PRPF3: variants seen among roughly 807,000 people sequenced by gnomAD.
PRPF3 encodes pre-mRNA processing factor 3.
In PRPF3, 3 loss-of-function variants were observed where a neutral mutation model predicts 89.2. The observed-to-expected ratio is 0.03, with a 90% CI of 0.02 to 0.09. The LOEUF is 0.09. PRPF3 is among the 10% of genes least tolerant of loss of function. The pLI is 1.00. For missense variants in PRPF3, 463 were observed against 828.8 expected (o/e 0.56, Z 5.42); for synonymous variants, 270 against 289.1 (o/e 0.93, Z 0.67).
At chr1:150,324,604 G>T (rs1655494148) in intron 1 of PRPF3, among the ~76,000 whole-genome samples, 1 of 149,550 alleles carries the variant, frequency 6.7e-6, no homozygotes, top group Admixed American at 6.7e-5. Context: ...AGGCTGGAGT[G>T]CAGTGGTGCG....
chr1:150,350,708 C>T (rs1658838727), intron 15 of PRPF3, among the ~76,000 whole-genome samples: 1 of 152,140 alleles, frequency 6.6e-6, no homozygotes, highest in African/African-American at 2.4e-5. Context: ...CGCCTATAAT[C>T]CCAGCACTTT....
chr1:150,346,488 G>T lies in PRPF3; in HGVS notation c.1840G>T (p.Asp614Tyr). ...WDEQTSNTKG[D>Y]DDEESDEEAV... ...TGAACAGACATCTAACACAAAGGGA[G>T]ATGGTGAATGGGGGTTAGAGGGGAT... The change falls in exon 14 of 16, where the codon GAT (aspartate) becomes TAT (tyrosine). Residue 614 changes from aspartate (D) to tyrosine (Y), a missense_variant. Asp to Tyr is a radical substitution (Grantham distance 160). Around this residue, in one of 8 missense-constraint regions of PRPF3, gnomAD observed 78 missense variants for 96.6 expected, o/e 0.81. Coordinates refer to ENST00000324862, the MANE Select transcript of PRPF3 (RefSeq NM_004698.4). 2 of 1,611,488 alleles carry T rather than the reference G, an allele frequency of 1.2e-6. No individual in the cohort carries two copies. Among genetic ancestry groups the T allele is most frequent in the Non-Finnish European group, 1.7e-6 (2 of 1,177,672 alleles).
chr1:150,338,197 C>G lies in PRPF3; in HGVS notation c.1073C>G (p.Ala358Gly). Residue 358 changes from alanine to glycine, a missense_variant, in exon 8 of 16, where the codon GCA becomes GGA. Ala to Gly is a moderately conservative substitution (Grantham distance 60). Around this residue, in one of 8 missense-constraint regions of PRPF3, gnomAD observed 261 missense variants for 475.8 expected, o/e 0.55. Coordinates refer to ENST00000324862, the MANE Select transcript of PRPF3 (RefSeq NM_004698.4). ...LEKLQAEISQ[A>G]ARKTGIHTST... is the part of the protein sequence containing the mutation. ...AAGCTACAGGCAGAGATTTCACAAG[C>G]AGCTCGAAAAACAGGCATCCATACT... The G allele has an allele frequency of 6.2e-7, 1 of 1,614,092 alleles. No homozygotes were observed. The highest frequency in any genetic ancestry group is 8.5e-7 in the Non-Finnish European group (1 of 1,180,020).
At chr1:150,335,311 C>T in intron 7 of PRPF3, 70 bp downstream of exon 7, 1 of 1,522,944 alleles carries the variant, frequency 6.6e-7, no homozygotes, top group Non-Finnish European at 9.1e-7. Flanking sequence ...ATTGTTAAAT[C>T]TCTGTGTTCT....
chr1:150,341,398 C>CTTTTT (rs1247612978), intron 9 of PRPF3, among the ~76,000 whole-genome samples: 8 of 105,218 alleles, frequency 7.6e-5, no homozygotes, highest in South Asian at 3.6e-4. Flanking sequence ...AAAGTTGCTT[C>CTTTTT]TATTTTTTTT....
At chr1:150,331,991 G>A (rs948016673) in intron 4 of PRPF3, among the ~76,000 whole-genome samples, 6 of 152,024 alleles carry the variant, frequency 3.9e-5, no homozygotes, top group African/African-American at 1.4e-4. Context: ...TTGAGAGGCC[G>A]AGGTGGGCGG....
In PRPF3 at chr1:150,349,180, G is replaced by A; in HGVS notation, c.1867G>A (p.Ala623Thr). 2.5e-6 allele frequency: 4 copies of A among 1,613,878 alleles called. No homozygotes were observed. Among genetic ancestry groups the A allele is most frequent in the Non-Finnish European group, 3.4e-6 (4 of 1,179,850 alleles). The change falls in exon 15 of 16, where the codon GCT (alanine) becomes ACT (threonine). Residue 623 changes from alanine to threonine, a missense_variant. Ala to Thr is a moderately conservative substitution (Grantham distance 58). This residue lies in a region of PRPF3 where 78 missense variants were observed against 96.6 expected (regional missense o/e 0.81). Coordinates refer to ENST00000324862, the MANE Select transcript of PRPF3 (RefSeq NM_004698.4). The stretch of plus-strand genomic sequence containing the variant: ...AGATGATGAGGAGTCTGATGAGGAA[G>A]CTGTGAAGAAAACCAACAAATGTGT... ...GDDDEESDEE[A>T]VKKTNKCVLV...
Position 150,349,174 on chromosome 1 carries a change from G to A in PRPF3, c.1861G>A (p.Glu621Lys), listed in dbSNP as rs782301389. The A allele has an allele frequency of 6.2e-7, 1 of 1,613,832 alleles. No individual in the cohort carries two copies. Residue 621 changes from glutamate (E) to lysine (K), a missense_variant, in exon 15 of 16, where the codon GAG (glutamate) becomes AAG (lysine). By Grantham distance (56) the Glu-to-Lys change is moderately conservative. Transcript: ENST00000324862. ...TKGDDDEESDEEAVKKTNKCV... is the reference protein window; with the variant it reads ...TKGDDDEESDKEAVKKTNKCV... ...TCTTCCAGATGATGAGGAGTCTGATGAGGAAGCTGTGAAGAAAACCAACAA... is the reference window on the plus strand; with the variant it reads ...TCTTCCAGATGATGAGGAGTCTGATAAGGAAGCTGTGAAGAAAACCAACAA...
chr1:150,332,960 C>T lies in PRPF3; in HGVS notation c.508-19C>T, dbSNP rs1553866104. ...CTGCCTGTCTTAATTCCTCTGATTT[C>T]TTTTTCTCTATCTCACAGCCAAAGA... On this transcript the variant is annotated intron_variant, in intron 5 of 15. Coordinates refer to ENST00000324862, the MANE Select transcript of PRPF3 (RefSeq NM_004698.4). 2 of 1,601,058 alleles carry T rather than the reference C, an allele frequency of 1.2e-6. No homozygotes were observed. The highest frequency in any genetic ancestry group is 2.2e-5 in the South Asian group (2 of 90,790).
intron 5 of PRPF3, 26 bp downstream of exon 5, chr1:150,332,793 A>G (rs782436212): frequency 5.6e-6 from 9 of 1,610,226 alleles, no homozygotes; most frequent in South Asian, 1.1e-5. Context: ...TACTCTGAAC[A>G]GAATAATCTT....
chr1:150,325,973 A>G (rs2101946813), intron 3 of PRPF3, 92 bp downstream of exon 3: 3 of 1,490,218 alleles, frequency 2.0e-6, no homozygotes, highest in Non-Finnish European at 1.9e-6. Context: ...GATATCCTCT[A>G]TTTAGAGCAG....
intron 7 of PRPF3, among the ~76,000 whole-genome samples, chr1:150,337,222 G>C (rs1164030625): frequency 1.3e-5 from 2 of 151,692 alleles, no homozygotes; most frequent in Admixed American, 1.3e-4. Context: ...TGTATTTTTA[G>C]TAGAGACGGG....
chr1:150,333,197 C>G lies in PRPF3; in HGVS notation c.726C>G (p.Pro242=), dbSNP rs781917094. The change falls in exon 6 of 16, where the codon CCC becomes CCG. Residue 242 remains proline (P), a splice_region_variant and synonymous_variant. Coordinates refer to ENST00000324862, the MANE Select transcript of PRPF3 (RefSeq NM_004698.4). ...ATCTCCATGCCATGGGCATTGCTCC[C>G]CCGTGAGTGTCTATTTCATGGAATA... ...LANLHAMGIA[P]PKVELKDQTK... 6.2e-7 allele frequency: 1 copy of G among 1,613,904 alleles called. No individual in the cohort carries two copies. Among genetic ancestry groups the G allele is most frequent in the Non-Finnish European group, 8.5e-7 (1 of 1,179,812 alleles).
chr1:150,329,714 G>A (rs1286845008), intron 4 of PRPF3: 3 of 152,132 alleles, frequency 2.0e-5, no homozygotes, highest in Non-Finnish European at 4.4e-5. Flanking sequence ...AGAAATATGG[G>A]TGGGTGGATT....
rs782336532 is a variant in PRPF3 at position 150,349,137 on chromosome 1, T to C, written c.1844-20T>C. 1 of 1,606,578 alleles carries C rather than the reference T, an allele frequency of 6.2e-7. No individual in the cohort carries two copies. Among genetic ancestry groups the C allele is most frequent in the Admixed American group, 1.7e-5 (1 of 60,002 alleles). ...AACCTGAATCTCAAGTCTAAGTCTG[T>C]AACAAGATTTCTCTTCCAGATGATG... is the stretch of plus-strand genomic sequence containing the variant. On this transcript the variant is annotated intron_variant, in intron 14 of 15. Transcript: ENST00000324862.
intron 15 of PRPF3, among the ~76,000 whole-genome samples, chr1:150,350,332 G>A (rs1397970249): frequency 1.3e-5 from 2 of 151,988 alleles, no homozygotes; most frequent in African/African-American, 4.8e-5. Context: ...CTCCCGAGTA[G>A]CTGGAATTAC....
At chr1:150,331,784 G>A (rs1656431458) in intron 4 of PRPF3, among the ~76,000 whole-genome samples, 1 of 152,178 alleles carries the variant, frequency 6.6e-6, no homozygotes, top group Admixed American at 6.6e-5. Context: ...TGTAAGAGGA[G>A]TTGTTTGGCC....
chr1:150,341,400 ATTTTTTTTTT>A (rs1169772517), intron 9 of PRPF3, among the ~76,000 whole-genome samples: 1 of 101,906 alleles, frequency 9.8e-6, no homozygotes, highest in African/African-American at 3.7e-5. Context: ...AGTTGCTTCT[ATTTTTTTTTT>A]TTTTTTTTTT....
chr1:150,349,081 G>T (rs1658625900), intron 14 of PRPF3, 76 bp from the exon 15 acceptor site: 1 of 1,183,780 alleles, frequency 8.4e-7, no homozygotes, highest in Non-Finnish European at 1.3e-6. Context: ...ATTTTAGAGA[G>T]TTTGGGTAGA....
Sources: gnomAD v4.1 joint callset for allele counts (sites outside exome capture counted in the v4.1 genomes callset) on GRCh38, gnomAD v4.1.1 for gene constraint, gnomAD v4.1.1 regional missense constraint, MANE v1.5 for transcripts, NCBI Gene and HGNC (gene_info 2026-07-23, HGNC 2026-07-21) for gene names.